LAMA2: variants seen among roughly 807,000 people sequenced by gnomAD.
LAMA2 encodes laminin subunit alpha 2.
In LAMA2, 269 loss-of-function variants were observed where a neutral mutation model predicts 364.8. The observed-to-expected ratio is 0.74, with a 90% confidence interval of 0.67 to 0.82. LAMA2 has a LOEUF of 0.82. LAMA2 is among the 40% of genes least tolerant of loss of function. LAMA2 has a pLI of 0.00. For missense variants in LAMA2, 3,807 were observed against 3,873.2 expected (o/e 0.98, Z 0.45); for synonymous variants, 1,379 against 1,370.6 (o/e 1.01, Z -0.14).
chr6:128,943,334 G>C (rs967600148), intron 1 of LAMA2, among the ~76,000 whole-genome samples: 36 of 151,226 alleles, frequency 2.4e-4, no homozygotes, highest in African/African-American at 8.6e-4. Context: ...AACCAGCTGG[G>C]GTGCTGTGGT....
intron 1 of LAMA2, among the ~76,000 whole-genome samples, chr6:128,886,236 T>C (rs1776141434): frequency 6.6e-6 from 1 of 152,124 alleles, no homozygotes; most frequent in Admixed American, 6.5e-5. Context: ...AAGGTCTCTA[T>C]AGCCTTGACC....
intron 1 of LAMA2, among the ~76,000 whole-genome samples, chr6:128,943,301 G>T (rs1780281459): frequency 8.9e-6 from 1 of 111,784 alleles, no homozygotes; most frequent in South Asian, 3.2e-4. Flanking sequence ...GAGAGAGAGA[G>T]AGAGAGTCAG....
intron 1 of LAMA2, among the ~76,000 whole-genome samples, chr6:128,966,608 T>C (rs1165059448): frequency 7.0e-6 from 1 of 141,918 alleles, no homozygotes; most frequent in African/African-American, 2.6e-5. Flanking sequence ...AAAGGCCACA[T>C]TTAGCTGAAT....
intron 12 of LAMA2, among the ~76,000 whole-genome samples, chr6:129,247,221 G>A (rs1402521211): frequency 2.0e-5 from 3 of 152,278 alleles, no homozygotes; most frequent in Admixed American, 6.5e-5. Flanking sequence ...AGACGGAGGT[G>A]AGTAGATTGC....
chr6:129,477,347 G>T (rs1413287916), intron 53 of LAMA2, among the ~76,000 whole-genome samples: 1 of 152,190 alleles, frequency 6.6e-6, no homozygotes, highest in African/African-American at 2.4e-5. Context: ...CTGTGGAATA[G>T]CACTGTTATA....
Position 128,929,776 on chromosome 6 carries a change from A to C in LAMA2, c.112+46419A>C. ...GATATTGGAAAACGTGTAAAACCAC[A>C]ACTGTCTCCTGACTTCCAACCACAC... On this transcript the variant is annotated intron_variant, in intron 1 of 64. Coordinates refer to ENST00000421865, the MANE Select transcript of LAMA2 (RefSeq NM_000426.4). The C allele has an allele frequency of 2.8e-6, 3 of 1,082,242 alleles. No homozygotes were observed. The East Asian group carries it at 7.1e-5, about 26-fold the overall frequency. 67.0% of individuals were successfully genotyped at this position (1,082,242 alleles called of 1,614,324 possible). A position where few individuals can be genotyped will look rare whatever the true frequency, so the allele number is the denominator to read the frequency against.
At chr6:129,472,497 CT>C (rs1211307230) in intron 51 of LAMA2, among the ~76,000 whole-genome samples, 1 of 151,950 alleles carries the variant, frequency 6.6e-6, no homozygotes, top group African/African-American at 2.4e-5. Context: ...TGTCTGCTTT[CT>C]AAACAATGCA....
chr6:129,069,345 A>G (rs1180009162), intron 3 of LAMA2, among the ~76,000 whole-genome samples: 2 of 149,974 alleles, frequency 1.3e-5, no homozygotes, highest in African/African-American at 2.4e-5. Flanking sequence ...TTAGAGTTTA[A>G]TTTTTTACTT....
At chr6:129,068,104 A>G (rs989896703) in intron 3 of LAMA2, among the ~76,000 whole-genome samples, 2 of 152,212 alleles carry the variant, frequency 1.3e-5, no homozygotes, top group Non-Finnish European at 2.9e-5. Context: ...TGCACAACAT[A>G]TAGGAAGCAT....
intron 1 of LAMA2, among the ~76,000 whole-genome samples, chr6:128,936,057 G>A (rs535512610): frequency 2.0e-5 from 3 of 152,272 alleles, no homozygotes; most frequent in African/African-American, 4.8e-5. Flanking sequence ...CCTTCGCTTG[G>A]CACTTCTTCT....
intron 58 of LAMA2, among the ~76,000 whole-genome samples, chr6:129,500,370 T>C (rs898810809): frequency 2.0e-5 from 3 of 152,222 alleles, no homozygotes; most frequent in Non-Finnish European, 4.4e-5. Context: ...CAAAGGACTA[T>C]ACACCATAAT....
intron 4 of LAMA2, among the ~76,000 whole-genome samples, chr6:129,113,154 T>C (rs141020416): frequency 9.1e-4 from 138 of 152,208 alleles, no homozygotes; most frequent in African/African-American, 3.3e-3. Context: ...TATAATTGTT[T>C]TCCAACAATG....
At chr6:129,162,895 G>T (rs144757908) in intron 8 of LAMA2, among the ~76,000 whole-genome samples, 9 of 151,886 alleles carry the variant, frequency 5.9e-5, no homozygotes, top group Admixed American at 2.0e-4. Context: ...AACTAGGAGG[G>T]GGGGGAAGAA....
chr6:128,933,332 G>C (rs1157660210), intron 1 of LAMA2, among the ~76,000 whole-genome samples: 1 of 151,658 alleles, frequency 6.6e-6, no homozygotes, highest in African/African-American at 2.4e-5. Flanking sequence ...GGATACTTAG[G>C]CCATTTATTT....
At chr6:129,502,803 C>A in intron 59 of LAMA2, 32 bp downstream of exon 59, 1 of 1,349,038 alleles carries the variant, frequency 7.4e-7, no homozygotes, top group Middle Eastern at 1.8e-4. Flanking sequence ...TGGGAAAGAA[C>A]CGATAAATGA....
At chr6:129,191,429 G>C (rs532489798) in intron 11 of LAMA2, among the ~76,000 whole-genome samples, 2 of 152,260 alleles carry the variant, frequency 1.3e-5, no homozygotes, top group Non-Finnish European at 2.9e-5. Context: ...TGGACATCTA[G>C]TCTAACTTCC....
chr6:129,478,945 A>T (rs1039091810), intron 54 of LAMA2, 132 bp downstream of exon 54: 11 of 819,952 alleles, frequency 1.3e-5, no homozygotes, highest in Non-Finnish European at 2.3e-5. Context: ...TTAAACGATA[A>T]AGCAAGATTA....
At chr6:128,895,642 C>G (rs910875850) in intron 1 of LAMA2, among the ~76,000 whole-genome samples, 54 of 151,832 alleles carry the variant, frequency 3.6e-4, no homozygotes, top group Non-Finnish European at 1.9e-4. Context: ...AGCGAGACTC[C>G]GTGAACTCAT....
intron 34 of LAMA2, among the ~76,000 whole-genome samples, chr6:129,370,364 G>A (rs1243262469): frequency 6.6e-6 from 1 of 152,148 alleles, no homozygotes; most frequent in Non-Finnish European, 1.5e-5. Flanking sequence ...CTCATCGTGG[G>A]ATTTTTGCAT....
Sources: gnomAD v4.1 joint callset for allele counts (sites outside exome capture counted in the v4.1 genomes callset) on GRCh38, gnomAD v4.1.1 for gene constraint, MANE v1.5 for transcripts, NCBI Gene and HGNC (gene_info 2026-07-23, HGNC 2026-07-21) for gene names.